The following NSD1 variants were observed in gnomAD, a reference collection of about 807,000 sequenced individuals.
NSD1 encodes nuclear receptor binding SET domain protein 1, also known as histone-lysine N-methyltransferase, H3 lysine-36 specific.
Under a neutral mutation model 242.7 loss-of-function variants are expected in NSD1, and 26 were observed. The observed-to-expected ratio is 0.11, with a 90% CI of 0.08 to 0.15. The LOEUF (loss-of-function observed/expected upper bound fraction) is 0.15, where lower values mean the gene tolerates loss of function less well. NSD1 is among the 10% of genes least tolerant of loss of function. NSD1 has a pLI of 1.00. For synonymous variants in NSD1, 1,106 were observed against 1,178.1 expected (o/e 0.94, Z 1.25); for missense variants, 2,495 against 3,272.8 (o/e 0.76, Z 5.80).
rs1193977306 is a variant in NSD1, at chr5:177,239,873, A to G, written c.4302+8A>G. ...CTTGGCCTTTCTAAAAAGGTATGTT[A>G]TTTTTGTAAGTTCTAAAAGAAATAA... On this transcript the variant is annotated splice_region_variant and intron_variant, in intron 8 of 22. Transcript: ENST00000439151. 1.3e-6 allele frequency: 2 copies of G among 1,524,704 alleles called. No individual in the cohort carries two copies. Among genetic ancestry groups the G allele is most frequent in the South Asian group, 2.3e-5 (2 of 88,746 alleles). The allele number at this position is 1,524,704 out of a possible 1,614,324, so 94.4% of individuals were successfully genotyped here. A position where few individuals can be genotyped will look rare whatever the true frequency, so the allele number is the denominator to read the frequency against.
intron 2 of NSD1, chr5:177,137,049 A>G: frequency 2.1e-6 from 1 of 472,450 alleles, no homozygotes; most frequent in Non-Finnish European, 3.8e-6. Context: ...TGTTGTTTTC[A>G]GTAATGCTGT....
chr5:177,247,588 A>G (rs978390872), intron 10 of NSD1, among the ~76,000 whole-genome samples: 8 of 151,596 alleles, frequency 5.3e-5, no homozygotes, highest in African/African-American at 1.9e-4. Flanking sequence ...AAAAAAATCG[A>G]GACTGCTGTG....
At chr5:177,145,391 A>G (rs974582814) in intron 2 of NSD1, among the ~76,000 whole-genome samples, 5 of 150,614 alleles carry the variant, frequency 3.3e-5, no homozygotes, top group African/African-American at 9.8e-5. Context: ...TGATTCTCCT[A>G]CTTTAGCCTC....
chr5:177,149,525 G>C (rs1447139103), intron 2 of NSD1, among the ~76,000 whole-genome samples: 1 of 152,066 alleles, frequency 6.6e-6, no homozygotes, highest in African/African-American at 2.4e-5. Flanking sequence ...CATGCAGAGA[G>C]AGTTTTTTCT....
rs771715106 is a variant in NSD1 at position 177,294,725 on chromosome 5, G to A, written c.7357G>A (p.Ala2453Thr). The A allele has an allele frequency of 2.0e-5, 33 of 1,614,118 alleles. No homozygotes were observed. The highest frequency in any genetic ancestry group is 2.7e-5 in the African/African-American group (2 of 74,948). The change falls in exon 23 of 23, where the codon GCT becomes ACT. Residue 2453 changes from alanine (A) to threonine (T), a missense_variant. Physicochemically the swap from Ala to Thr is moderately conservative, Grantham distance 58. Coordinates refer to ENST00000439151, the MANE Select transcript of NSD1 (RefSeq NM_022455.5). ...DQNTQSKNRA[A>T]LVMDLIDLTP... ...GAATACTCAGTCAAAAAATAGAGCT[G>A]CTTTGGTGATGGATCTCATAGACCT...
At chr5:177,160,379 C>G (rs1758646889) in intron 2 of NSD1, among the ~76,000 whole-genome samples, 1 of 152,048 alleles carries the variant, frequency 6.6e-6, no homozygotes, top group Non-Finnish European at 1.5e-5. Context: ...AGGCTCGCTG[C>G]AGCCTCCACC....
In NSD1 at chr5:177,300,058, C is replaced by A. The variant is rs1311437552; in HGVS notation, c.*4599C>A. 3.8e-4 allele frequency: 4 copies of A among 10,652 alleles called. No homozygotes were observed. The highest frequency in any genetic ancestry group is 3.1e-3 in the East Asian group (3 of 960). 0.7% of individuals were successfully genotyped at this position (10,652 alleles called of 1,614,324 possible). A position where few individuals can be genotyped will look rare whatever the true frequency, so the allele number is the denominator to read the frequency against. On this transcript the variant is annotated 3_prime_UTR_variant, in exon 23 of 23. Coordinates refer to ENST00000439151, the MANE Select transcript of NSD1 (RefSeq NM_022455.5). ...GGTCCATCATTGCTTTTTTGCCGCG[C>A]CCCCCCCCCCCCGCCCCCATAGATT...
chr5:177,189,844 G>T (rs530590143), intron 2 of NSD1, among the ~76,000 whole-genome samples: 68 of 152,270 alleles, frequency 4.5e-4, no homozygotes, highest in East Asian at 1.7e-3. Flanking sequence ...GCAGTTTTCA[G>T]TACAGATAAA....
At chr5:177,180,449 T>A (rs1760565181) in intron 2 of NSD1, among the ~76,000 whole-genome samples, 1 of 151,716 alleles carries the variant, frequency 6.6e-6, no homozygotes, top group African/African-American at 2.4e-5. Flanking sequence ...ATCTCGAGGG[T>A]CTTGCTATGT....
intron 2 of NSD1, among the ~76,000 whole-genome samples, chr5:177,156,740 T>C (rs1050275997): frequency 6.6e-6 from 1 of 152,176 alleles, no homozygotes. Flanking sequence ...GGTTATATAG[T>C]TGCAAATTTA....
chr5:177,147,409 G>A (rs1039972420), intron 2 of NSD1, among the ~76,000 whole-genome samples: 3 of 151,952 alleles, frequency 2.0e-5, no homozygotes, highest in African/African-American at 7.3e-5. Context: ...GCCTGGCCTA[G>A]CCCCTCCATC....
chr5:177,271,150 G>A (rs1042678353), intron 16 of NSD1, among the ~76,000 whole-genome samples: 3 of 152,098 alleles, frequency 2.0e-5, no homozygotes, highest in Admixed American at 2.0e-4. Flanking sequence ...TTGTATTTTT[G>A]CAGGAGAATC....
Position 177,209,875 on chromosome 5 carries a change from G to A in NSD1, c.1476G>A (p.Lys492=). The stretch of plus-strand genomic sequence containing the variant: ...AACATTCTGCAGATGAGAAGGAAAA[G>A]CCTTGCGCTAAATCTCGAGCCAGAA... The part of the protein sequence containing the change: ...DSEHSADEKE[K]PCAKSRARKS... The change falls in exon 5 of 23, where the codon AAG becomes AAA. Residue 492 remains lysine (K), a synonymous_variant. Coordinates refer to ENST00000439151, the MANE Select transcript of NSD1 (RefSeq NM_022455.5). 1 of 1,614,146 alleles carries A rather than the reference G, an allele frequency of 6.2e-7. No individual in the cohort carries two copies. The highest frequency in any genetic ancestry group is 8.5e-7 in the Non-Finnish European group (1 of 1,180,022).
At chr5:177,256,876 G>A in intron 12 of NSD1, 75 bp from the exon 13 acceptor site, 1 of 1,290,226 alleles carries the variant, frequency 7.8e-7, no homozygotes, top group Non-Finnish European at 1.1e-6. Context: ...AATTTCTTAT[G>A]AACTTTTCAC....
At chr5:177,185,739 T>C (rs1367196843) in intron 2 of NSD1, among the ~76,000 whole-genome samples, 3 of 105,182 alleles carry the variant, frequency 2.9e-5, no homozygotes, top group African/African-American at 1.2e-4. Flanking sequence ...ATATATATTT[T>C]ATATATTATA....
intron 5 of NSD1, 45 bp from the exon 6 acceptor site, chr5:177,235,776 C>T (rs1164031496): frequency 1.2e-6 from 2 of 1,613,268 alleles, no homozygotes; most frequent in Admixed American, 3.3e-5. Flanking sequence ...AGTGGGTTTT[C>T]CTGAAGCTTT....
chr5:177,226,035 A>T (rs959496446), intron 5 of NSD1, among the ~76,000 whole-genome samples: 1 of 152,134 alleles, frequency 6.6e-6, no homozygotes, highest in Non-Finnish European at 1.5e-5. Flanking sequence ...TAAGCAGCAG[A>T]GTGTGCCATA....
In NSD1 at chr5:177,195,530, T is replaced by G. The variant is rs546400181; in HGVS notation, c.1063+3511T>G. On this transcript the variant is annotated intron_variant, in intron 3 of 22. Transcript: ENST00000439151. ...TTGCCCAGGCTAGAATGCAGTGGCG[T>G]GATCATGACTCATTGCAGCCATAGC... is the stretch of plus-strand genomic sequence containing the variant. 3.3e-5 allele frequency among the ~76,000 whole-genome samples: 5 copies of G among 152,244 alleles called. No homozygotes were observed. In the South Asian group the frequency reaches 1.0e-3, roughly 32 times the overall value.
intron 16 of NSD1, among the ~76,000 whole-genome samples, 173 bp from the exon 17 acceptor site, chr5:177,273,499 A>G (rs564878771): frequency 3.8e-4 from 58 of 152,304 alleles, no homozygotes; most frequent in Non-Finnish European, 6.9e-4. Flanking sequence ...TTTGGACTAC[A>G]TTACCTGTTT....
Sources: gnomAD v4.1 joint callset for allele counts (sites outside exome capture counted in the v4.1 genomes callset) on GRCh38, gnomAD v4.1.1 for gene constraint, MANE v1.5 for transcripts, NCBI Gene and HGNC (gene_info 2026-07-23, HGNC 2026-07-21) for gene names.